PCNX2: variants seen among roughly 807,000 people sequenced by gnomAD.
PCNX2 encodes the protein pecanex-like protein 2.
In PCNX2, 168 loss-of-function variants were observed where a neutral mutation model predicts 223.8. The observed-to-expected ratio is 0.75, with a 90% confidence interval of 0.66 to 0.85. The LOEUF (loss-of-function observed/expected upper bound fraction) is 0.85, where lower values mean the gene tolerates loss of function less well. Among genes scored for constraint, PCNX2 ranks in the 40% least tolerant of loss-of-function variants. The pLI is 0.00. For synonymous variants in PCNX2, 1,006 were observed against 1,052.6 expected (o/e 0.96, Z 0.86); for missense variants, 2,507 against 2,675.5 (o/e 0.94, Z 1.39).
chr1:233,319,760 A>C, the PCNX2 span, among the ~76,000 whole-genome samples: 7 of 152,230 alleles, frequency 4.6e-5, no homozygotes, highest in African/African-American at 1.7e-4. Flanking sequence ...TAAAAACCTC[A>C]AAGAGTTTTT....
At chr1:233,092,028 C>T (rs1244508121) in intron 22 of PCNX2, among the ~76,000 whole-genome samples, 2 of 152,152 alleles carry the variant, frequency 1.3e-5, no homozygotes, top group Non-Finnish European at 2.9e-5. Context: ...CTAAATACTT[C>T]TGCCACAAAA....
At chr1:233,225,839 A>C (rs1657676847) in intron 10 of PCNX2, among the ~76,000 whole-genome samples, 14 of 152,210 alleles carry the variant, frequency 9.2e-5, no homozygotes, top group Admixed American at 8.5e-4. Flanking sequence ...TTGGATTTTT[A>C]GTTAAGTATT....
At position 233,095,768 on chromosome 1, in the gene PCNX2, G is replaced by A. The variant is rs750774336; in HGVS notation, c.3933C>T (p.Leu1311=). 2 of 1,606,164 alleles carry A rather than the reference G, an allele frequency of 1.2e-6. No individual in the cohort carries two copies. The highest frequency in any genetic ancestry group is 2.2e-5 in the South Asian group (2 of 89,906). The change falls in exon 22 of 34, where the codon CTC becomes CTT. Residue 1311 remains leucine (L), a synonymous_variant. Transcript: ENST00000258229. The part of the protein sequence containing the change: ...WGSSFHVFAQ[L]FAIPHSAMLF... Reference sequence around the variant, plus strand: ...CAGAAAGGATACGAGGAATGGCAAAGAGCTGAGCAAACACGTGAAACGAAG... The same window carrying A: ...CAGAAAGGATACGAGGAATGGCAAAAAGCTGAGCAAACACGTGAAACGAAG...
chr1:233,276,405 G>A (rs1272521570), intron 1 of PCNX2, among the ~76,000 whole-genome samples: 3 of 152,118 alleles, frequency 2.0e-5, no homozygotes, highest in Admixed American at 6.5e-5. Flanking sequence ...ACATAGTGAT[G>A]GTTGTACAAC....
At chr1:233,304,356 T>C in the PCNX2 span, among the ~76,000 whole-genome samples, 2 of 152,148 alleles carry the variant, frequency 1.3e-5, no homozygotes. Context: ...AGAGAAAAGG[T>C]AGGCTAATCC....
chr1:233,067,935 G>C (rs1298820990), intron 23 of PCNX2, among the ~76,000 whole-genome samples: 1 of 151,980 alleles, frequency 6.6e-6, no homozygotes, highest in Non-Finnish European at 1.5e-5. Context: ...AAAACCCATG[G>C]GACTGTAATT....
At chr1:233,292,202 C>CTTTCTTT (rs1661807909) in intron 1 of PCNX2, among the ~76,000 whole-genome samples, 1 of 109,484 alleles carries the variant, frequency 9.1e-6, no homozygotes. Flanking sequence ...TTCTTTCTTT[C>CTTTCTTT]TTTTTTTTTT....
chr1:233,303,836 T>C, the PCNX2 span, among the ~76,000 whole-genome samples: 2 of 152,216 alleles, frequency 1.3e-5, no homozygotes, highest in Non-Finnish European at 2.9e-5. Context: ...TATATTTTTG[T>C]ATCATTTTAC....
chr1:233,188,514 C>T (rs1278309771), intron 15 of PCNX2, among the ~76,000 whole-genome samples: 2 of 152,058 alleles, frequency 1.3e-5, no homozygotes, highest in Non-Finnish European at 2.9e-5. Flanking sequence ...TTAGGTCAGA[C>T]CCACTCAGAG....
chr1:233,319,480 G>C, the PCNX2 span, among the ~76,000 whole-genome samples: 78,075 of 152,092 alleles, frequency 0.51, 20,520 homozygotes, highest in African/African-American at 0.6. Context: ...GCTTATGGTC[G>C]TCAGGTCTAA....
At chr1:233,033,624 A>G (rs562123428) in intron 25 of PCNX2, among the ~76,000 whole-genome samples, 1 of 152,250 alleles carries the variant, frequency 6.6e-6, no homozygotes, top group Non-Finnish European at 1.5e-5. Flanking sequence ...CAGTAAGTGC[A>G]AGCACAAGGT....
intron 9 of PCNX2, among the ~76,000 whole-genome samples, chr1:233,236,632 T>C (rs985515626): frequency 2.6e-5 from 4 of 152,200 alleles, no homozygotes; most frequent in Admixed American, 2.0e-4. Flanking sequence ...ACAGTGGCAA[T>C]CCTGTTAATA....
intron 32 of PCNX2, among the ~76,000 whole-genome samples, chr1:232,992,763 T>C (rs1189209895): frequency 6.6e-6 from 1 of 152,170 alleles, no homozygotes; most frequent in African/African-American, 2.4e-5. Flanking sequence ...GGGAAGTGAA[T>C]GGATCATGGG....
At chr1:233,136,245 A>G (rs1676794352) in intron 20 of PCNX2, among the ~76,000 whole-genome samples, 1 of 152,210 alleles carries the variant, frequency 6.6e-6, no homozygotes, top group Non-Finnish European at 1.5e-5. Context: ...TTGCACTTCT[A>G]AGAGAGGCTT....
At chr1:233,086,247 G>A (rs1673593687) in intron 23 of PCNX2, among the ~76,000 whole-genome samples, 1 of 152,156 alleles carries the variant, frequency 6.6e-6, no homozygotes, top group Non-Finnish European at 1.5e-5. Flanking sequence ...AAAGTGTTGT[G>A]GGAGATGGGC....
intron 28 of PCNX2, among the ~76,000 whole-genome samples, chr1:233,014,409 C>T (rs558098860): frequency 5.1e-4 from 78 of 152,258 alleles, no homozygotes; most frequent in South Asian, 1.0e-3. Context: ...ACTTCTGTAA[C>T]ACAGAAGGTC....
In PCNX2 at chr1:233,109,236, C is replaced by T. The variant is rs1674978293; in HGVS notation, c.3838-13373G>A. Among the ~76,000 whole-genome samples the T allele has an allele frequency of 2.6e-5, 4 of 152,162 alleles. No individual in the cohort carries two copies. The South Asian group carries it at 8.3e-4, about 31-fold the overall frequency. ...GCATAAAAACTATTTACCTCAGTCT[C>T]TATGGGCCTCCACAGAACATCCAGC... On this transcript the variant is annotated intron_variant, in intron 21 of 33. Coordinates refer to ENST00000258229, the MANE Select transcript of PCNX2 (RefSeq NM_014801.4).
intron 32 of PCNX2, among the ~76,000 whole-genome samples, chr1:232,995,169 G>A (rs769213689): frequency 2.0e-5 from 3 of 149,592 alleles, no homozygotes; most frequent in African/African-American, 4.9e-5. Flanking sequence ...TGAATACACC[G>A]GGGGGCAGAG....
At chr1:233,276,992 C>T (rs897322667) in intron 1 of PCNX2, among the ~76,000 whole-genome samples, 2 of 152,216 alleles carry the variant, frequency 1.3e-5, no homozygotes, top group African/African-American at 4.8e-5. Flanking sequence ...AGGGAATAAT[C>T]CTTCAAGGAA....
Sources: gnomAD v4.1 joint callset for allele counts (sites outside exome capture counted in the v4.1 genomes callset) on GRCh38, gnomAD v4.1.1 for gene constraint, MANE v1.5 for transcripts, NCBI Gene and HGNC (gene_info 2026-07-23, HGNC 2026-07-21) for gene names.